Variants in SLC30A9 observed in about 807,000 individuals in gnomAD.
SLC30A9 encodes the protein solute carrier family 30 member 9.
SLC30A9 carries 58 observed loss-of-function variants against 87.5 expected under a neutral mutation model. The ratio of observed to expected loss-of-function variants is 0.66; its 90% CI spans 0.54 to 0.82. The LOEUF is 0.82. Ranked by LOEUF, SLC30A9 falls within the 40% of genes least tolerant of loss-of-function variation. The pLI, the probability that SLC30A9 is intolerant of heterozygous loss-of-function variation, is 0.00. For missense variants in SLC30A9, 557 were observed against 679.1 expected, an observed-to-expected ratio of 0.82 and a Z score of 2.00; for synonymous variants, 234 against 233.0, an observed-to-expected ratio of 1.00 and a Z score of -0.04.
chr4:42,066,467 ATTTG>A (rs1197195956), intron 12 of SLC30A9, 79 bp from the exon 13 acceptor site: 11 of 790,904 alleles, frequency 1.4e-5, no homozygotes, highest in South Asian at 1.8e-5. Flanking sequence ...TGTTGTGCTT[ATTTG>A]TTTATCTTTT....
Position 42,063,242 on chromosome 4 carries a change from G to A in SLC30A9, c.1032+121G>A, listed in dbSNP as rs1479291946. On this transcript the variant is annotated intron_variant, in intron 11 of 17. Transcript: ENST00000264451. ...ACATACACCTTCTTGACTGTGTATT[G>A]TAGGGTTATATATCTATAGTTTAAT... 2.7e-5 allele frequency: 21 copies of A among 783,606 alleles called. No homozygotes were observed. The East Asian group carries it at 4.7e-4, about 18-fold the overall frequency. 48.5% of individuals were successfully genotyped at this position (783,606 alleles called of 1,614,324 possible).
chr4:42,061,696 G>A (rs960484889), intron 10 of SLC30A9, among the ~76,000 whole-genome samples: 13 of 151,936 alleles, frequency 8.6e-5, no homozygotes, highest in Non-Finnish European at 1.8e-4. Context: ...TCGGGAGTTC[G>A]AGACCAGCCT....
intron 14 of SLC30A9, among the ~76,000 whole-genome samples, chr4:42,068,776 AATT>A (rs1430030080): frequency 1.3e-5 from 1 of 77,338 alleles, no homozygotes; most frequent in African/African-American, 2.6e-5. Context: ...TTTGGTAGCT[AATT>A]AAGTGTTTTG....
chr4:42,076,470 A>G (rs1002151876), intron 16 of SLC30A9, among the ~76,000 whole-genome samples: 16 of 152,064 alleles, frequency 1.1e-4, no homozygotes, highest in Admixed American at 9.2e-4. Context: ...AACATTTTGA[A>G]TGTTTAAAAA....
At chr4:42,062,951 A>G (rs562155595) in intron 10 of SLC30A9, 35 bp from the exon 11 acceptor site, 3 of 1,583,606 alleles carry the variant, frequency 1.9e-6, no homozygotes, top group East Asian at 4.5e-5. Flanking sequence ...AACCATTTGT[A>G]TTTCTTGCGA....
At chr4:42,062,838 T>C (rs1717918036) in intron 10 of SLC30A9, 148 bp from the exon 11 acceptor site, 3 of 649,828 alleles carry the variant, frequency 4.6e-6, no homozygotes, top group Non-Finnish European at 7.6e-6. Flanking sequence ...TACATATTGC[T>C]TTTCAAGTTT....
At chr4:42,007,484 G>A (rs1252337462) in intron 2 of SLC30A9, among the ~76,000 whole-genome samples, 2 of 152,134 alleles carry the variant, frequency 1.3e-5, no homozygotes, top group Non-Finnish European at 2.9e-5. Flanking sequence ...GGGTGCAGTG[G>A]CTCATGCCTG....
At position 42,015,991 on chromosome 4, in the gene SLC30A9, G is replaced by A. The variant is rs150042471; in HGVS notation, c.275-2120G>A. Among the ~76,000 whole-genome samples the A allele has an allele frequency of 4.5e-4, 69 of 152,130 alleles. No homozygotes were observed. In the East Asian group the frequency reaches 0.013, roughly 28 times the overall value. On this transcript the variant is annotated intron_variant, in intron 2 of 17. Coordinates refer to ENST00000264451, the MANE Select transcript of SLC30A9 (RefSeq NM_006345.4). ...CCTCCATGTTTAAAATACTAGCTGC[G>A]TGACTTTGGGAGAATTTACAAAACC...
intron 5 of SLC30A9, 121 bp from the exon 6 acceptor site, chr4:42,023,181 T>C (rs1716046032): frequency 1.3e-6 from 1 of 755,788 alleles, no homozygotes; most frequent in Non-Finnish European, 2.3e-6. Context: ...AAGTCCTTTA[T>C]GTTTCTCCAA....
chr4:42,047,035 A>T (rs1302516232), intron 8 of SLC30A9, among the ~76,000 whole-genome samples: 1 of 152,224 alleles, frequency 6.6e-6, no homozygotes, highest in Admixed American at 6.5e-5. Flanking sequence ...ATATGCAGAA[A>T]ACTGAAACTG....
intron 14 of SLC30A9, 184 bp from the exon 15 acceptor site, chr4:42,070,342 A>G: frequency 2.0e-6 from 1 of 498,508 alleles, no homozygotes. Context: ...TATGAAAGCA[A>G]GTTGTAGCAT....
At chr4:42,031,773 A>G (rs1290744910) in intron 6 of SLC30A9, among the ~76,000 whole-genome samples, 2 of 152,200 alleles carry the variant, frequency 1.3e-5, no homozygotes, top group East Asian at 3.8e-4. Context: ...TTTTTATTAT[A>G]TTTTAAATTT....
chr4:42,075,032 TATATATATATATATATA>T (rs1718466815), intron 15 of SLC30A9, among the ~76,000 whole-genome samples: 2 of 6,256 alleles, frequency 3.2e-4, no homozygotes, highest in Non-Finnish European at 6.6e-4. Context: ...TATATATATA[TATATATATATATATATA>T]TATATATATA....
chr4:42,075,826 G>GA, intron 16 of SLC30A9, 40 bp downstream of exon 16: 3 of 1,579,338 alleles, frequency 1.9e-6, no homozygotes, highest in Non-Finnish European at 1.7e-6. Flanking sequence ...CTGAGGGTTA[G>GA]AAAAATGCTT....
chr4:42,014,732 A>C (rs948843953), intron 2 of SLC30A9, among the ~76,000 whole-genome samples: 1 of 152,200 alleles, frequency 6.6e-6, no homozygotes, highest in Non-Finnish European at 1.5e-5. Context: ...CATAAAAAAG[A>C]ATGAGATCCT....
At chr4:42,030,150 C>T in intron 6 of SLC30A9, 2 of 851,088 alleles carry the variant, frequency 2.3e-6, no homozygotes, top group Non-Finnish European at 3.2e-6. Flanking sequence ...TTCCCGCTAG[C>T]CATTTAATAA....
chr4:42,029,085 C>T, intron 6 of SLC30A9: 1 of 242,748 alleles, frequency 4.1e-6, no homozygotes. Context: ...TCCGCAGTGG[C>T]AGTGGTGTGT....
At chr4:42,078,486 A>C (rs1718643728) in intron 17 of SLC30A9, 161 bp downstream of exon 17, 8 of 436,370 alleles carry the variant, frequency 1.8e-5, no homozygotes, top group South Asian at 5.2e-5. Flanking sequence ...ACTGGGTTAG[A>C]TAAGTTGAAT....
At chr4:42,041,075 G>T (rs1000949858) in intron 8 of SLC30A9, among the ~76,000 whole-genome samples, 1 of 152,102 alleles carries the variant, frequency 6.6e-6, no homozygotes, top group Non-Finnish European at 1.5e-5. Flanking sequence ...AGCTTGTGCA[G>T]GGTAACTCCC....
Sources: allele counts gnomAD v4.1 joint callset (sites outside exome capture counted in the v4.1 genomes callset), GRCh38; gene constraint gnomAD v4.1.1; transcripts MANE v1.5; gene names NCBI Gene and HGNC (gene_info 2026-07-23, HGNC 2026-07-21).